Variants in PRICKLE1 observed in about 807,000 individuals in gnomAD.
PRICKLE1 encodes prickle-like protein 1.
PRICKLE1 carries 14 observed loss-of-function variants against 70.2 expected under a neutral mutation model. That is an observed-to-expected ratio of 0.20 (90% CI 0.13 to 0.31). PRICKLE1 has a LOEUF of 0.31. Ranked by LOEUF, PRICKLE1 falls within the 10% of genes least tolerant of loss-of-function variation. The pLI, the probability that PRICKLE1 is intolerant of heterozygous loss-of-function variation, is 1.00. For synonymous variants in PRICKLE1, 357 were observed against 379.9 expected (o/e 0.94, Z 0.70); for missense variants, 821 against 1,026.2 (o/e 0.80, Z 2.73).
intron 1 of PRICKLE1, among the ~76,000 whole-genome samples, chr12:42,476,469 A>C (rs538207250): frequency 3.9e-5 from 6 of 152,004 alleles, no homozygotes; most frequent in African/African-American, 1.2e-4. Flanking sequence ...GGCGTGAGCC[A>C]CTGCACCTGG....
At chr12:42,498,418 C>T (rs1379173090) in intron 1 of PRICKLE1, among the ~76,000 whole-genome samples, 1 of 152,072 alleles carries the variant, frequency 6.6e-6, no homozygotes, top group African/African-American at 2.4e-5. Context: ...AAGCCATCCT[C>T]CCACCTTGGC....
chr12:42,573,993 C>CT (rs1295366880), intron 1 of PRICKLE1, among the ~76,000 whole-genome samples: 1 of 152,104 alleles, frequency 6.6e-6, no homozygotes, highest in African/African-American at 2.4e-5. Flanking sequence ...CTTCTCCTGT[C>CT]TGTGGTTTTC....
At chr12:42,551,433 AAAGCTCCCAGTAATACT>A (rs1251161424) in intron 1 of PRICKLE1, among the ~76,000 whole-genome samples, 3 of 151,298 alleles carry the variant, frequency 2.0e-5, no homozygotes, top group Non-Finnish European at 1.5e-5. Flanking sequence ...GTCATCAGTC[AAAGCTCCCAGTAATACT>A]AACTGCAGTT....
chr12:42,477,464 A>ACG (rs1938598142), intron 1 of PRICKLE1, among the ~76,000 whole-genome samples: 1 of 107,752 alleles, frequency 9.3e-6, no homozygotes, highest in Non-Finnish European at 2.1e-5. Flanking sequence ...ATACGTATAT[A>ACG]TGTGTGTGTG....
rs796085351 is a variant in PRICKLE1, at chr12:42,485,174, C to T, written c.-48-12610G>A. ...CATAAACAAGTTGCCATAAATAGAT[C>T]AGTCAAGTAAATCACTCTGTGGCCA... is the stretch of plus-strand genomic sequence containing the variant. On this transcript the variant is annotated intron_variant, in intron 1 of 7. Transcript: ENST00000345127. Among the ~76,000 whole-genome samples the T allele has an allele frequency of 3.4e-5, 5 of 146,900 alleles. No homozygotes were observed. In the East Asian group the frequency reaches 6.0e-4, roughly 18 times the overall value.
At chr12:42,565,470 A>G (rs1200813304) in intron 1 of PRICKLE1, among the ~76,000 whole-genome samples, 3 of 152,220 alleles carry the variant, frequency 2.0e-5, no homozygotes, top group Non-Finnish European at 4.4e-5. Flanking sequence ...GTACTTTTTC[A>G]AAGGTGGTAA....
intron 1 of PRICKLE1, among the ~76,000 whole-genome samples, chr12:42,564,832 G>A (rs951268813): frequency 2.0e-5 from 3 of 152,164 alleles, no homozygotes; most frequent in Admixed American, 2.0e-4. Flanking sequence ...TTACTGTGGT[G>A]TATCCAGATG....
intron 1 of PRICKLE1, among the ~76,000 whole-genome samples, chr12:42,540,035 A>T (rs1023160904): frequency 6.6e-6 from 1 of 152,248 alleles, no homozygotes; most frequent in African/African-American, 2.4e-5. Context: ...TAGTCAAGTT[A>T]ATCAGGGATT....
intron 1 of PRICKLE1, among the ~76,000 whole-genome samples, chr12:42,532,175 TAAAG>T (rs1407024878): frequency 1.3e-5 from 2 of 152,042 alleles, no homozygotes; most frequent in African/African-American, 2.4e-5. Flanking sequence ...AAAAAATAAA[TAAAG>T]AAAGAAATAA....
At chr12:42,588,359 C>A (rs1941017540) in intron 1 of PRICKLE1, among the ~76,000 whole-genome samples, 1 of 152,226 alleles carries the variant, frequency 6.6e-6, no homozygotes, top group African/African-American at 2.4e-5. Flanking sequence ...ACACTGTATG[C>A]ATGAACAGAT....
At position 42,459,581 on chromosome 12, in the gene PRICKLE1, G is replaced by A. The variant is rs576421272; in HGVS notation, c.*228C>T. On this transcript the variant is annotated 3_prime_UTR_variant, in exon 8 of 8. Coordinates refer to ENST00000345127, the MANE Select transcript of PRICKLE1 (RefSeq NM_153026.3). ...CGTCCATCTGTAACGCACCCGCACC[G>A]GACAGGCACGAGATGTCACGTCCAC... is the stretch of plus-strand genomic sequence containing the variant. 1.9e-4 allele frequency: 123 copies of A among 634,238 alleles called. 1 individual carries two copies. The African/African-American group carries it at 2.0e-3, about 10-fold the overall frequency. The allele number at this position is 634,238 out of a possible 1,614,324, so 39.3% of individuals were successfully genotyped here.
intron 1 of PRICKLE1, among the ~76,000 whole-genome samples, chr12:42,530,680 A>ATTTTTTTTTTTTTTTTTTTTTTTTTTTTT (rs34675637): frequency 1.0e-5 from 1 of 97,100 alleles, no homozygotes; most frequent in Non-Finnish European, 1.9e-5. Context: ...TTATCAAATA[A>ATTTTTTTTTTTTTTTTTTTTTTTTTTTTT]TTTTTTTTTT....
chr12:42,479,264 G>A (rs1228662644), intron 1 of PRICKLE1, among the ~76,000 whole-genome samples: 1 of 152,162 alleles, frequency 6.6e-6, no homozygotes, highest in Non-Finnish European at 1.5e-5. Flanking sequence ...TCTTCTTTTT[G>A]AGCTTGCGAG....
intron 1 of PRICKLE1, among the ~76,000 whole-genome samples, chr12:42,571,505 A>G (rs1462408044): frequency 6.6e-6 from 1 of 152,172 alleles, no homozygotes; most frequent in Non-Finnish European, 1.5e-5. Context: ...GTCTGCAGGC[A>G]GTTTTGGGGT....
chr12:42,549,518 A>C (rs547717782), intron 1 of PRICKLE1, among the ~76,000 whole-genome samples: 4 of 152,170 alleles, frequency 2.6e-5, no homozygotes, highest in Admixed American at 2.0e-4. Flanking sequence ...CCTACCTCTC[A>C]CTGACATCTC....
At chr12:42,468,507 A>C in intron 5 of PRICKLE1, 119 bp downstream of exon 5, 1 of 913,222 alleles carries the variant, frequency 1.1e-6, no homozygotes. Context: ...GATTATGTTT[A>C]AAACATGCAC....
At chr12:42,554,829 G>C (rs562946485) in intron 1 of PRICKLE1, among the ~76,000 whole-genome samples, 1 of 151,910 alleles carries the variant, frequency 6.6e-6, no homozygotes, top group Non-Finnish European at 1.5e-5. Flanking sequence ...AAGGTACTGG[G>C]CAACAAGATG....
Position 42,459,375 on chromosome 12 carries a change from G to A in PRICKLE1, c.*434C>T, listed in dbSNP as rs1566074368. The A allele has an allele frequency of 1.4e-6, 1 of 702,356 alleles. No homozygotes were observed. The allele number at this position is 702,356 out of a possible 1,614,324, so 43.5% of individuals were successfully genotyped here. On this transcript the variant is annotated 3_prime_UTR_variant, in exon 8 of 8. Transcript: ENST00000345127. ...TGCACAGTGTTAGCTAGGTCATCGT[G>A]ACAGGCATGCCTCACACCAAGACGG...
chr12:42,559,636 T>G (rs1368178431), intron 1 of PRICKLE1, among the ~76,000 whole-genome samples: 64 of 88,184 alleles, frequency 7.3e-4, no homozygotes, highest in East Asian at 1.7e-3. Context: ...TTTTTTTTTT[T>G]GGGGGGGGTA....
Sources: allele counts gnomAD v4.1 joint callset (sites outside exome capture counted in the v4.1 genomes callset), GRCh38; gene constraint gnomAD v4.1.1; transcripts MANE v1.5; gene names NCBI Gene and HGNC (gene_info 2026-07-23, HGNC 2026-07-21).